The following MALRD1 variants were observed in gnomAD, a reference collection of about 807,000 sequenced individuals.
MALRD1 encodes the protein MAM and LDL-receptor class A domain-containing protein 1.
MALRD1 carries 247 observed loss-of-function variants against 242.1 expected under a neutral mutation model. That is an observed-to-expected ratio of 1.02 (90% CI 0.92 to 1.13). MALRD1 has a LOEUF of 1.13. MALRD1 is among the 50% of genes most tolerant of loss of function. MALRD1 has a pLI of 0.00. For synonymous variants in MALRD1, 995 were observed against 866.6 expected (o/e 1.15, Z -2.60); for missense variants, 2,989 against 2,533.1 (o/e 1.18, Z -3.86).
At chr10:19,260,372 A>G (rs1039624242) in intron 19 of MALRD1, among the ~76,000 whole-genome samples, 3 of 152,174 alleles carry the variant, frequency 2.0e-5, no homozygotes, top group East Asian at 1.9e-4. Flanking sequence ...ACGTGGTCCT[A>G]TCTCTCTGAG....
chr10:19,539,826 ACCAGCATGCG>A (rs1420720378), intron 32 of MALRD1, among the ~76,000 whole-genome samples: 1 of 145,726 alleles, frequency 6.9e-6, no homozygotes, highest in Admixed American at 6.8e-5. Flanking sequence ...AGCTGGGACT[ACCAGCATGCG>A]CCACCACACC....
intron 29 of MALRD1, among the ~76,000 whole-genome samples, chr10:19,458,721 T>G (rs1038695700): frequency 6.6e-6 from 1 of 152,106 alleles, no homozygotes; most frequent in African/African-American, 2.4e-5. Flanking sequence ...TAGTGTACAA[T>G]TTTCATCGTT....
At chr10:19,215,644 C>A (rs1461550524) in intron 18 of MALRD1, among the ~76,000 whole-genome samples, 1 of 152,036 alleles carries the variant, frequency 6.6e-6, no homozygotes, top group Non-Finnish European at 1.5e-5. Context: ...CATTGCTCTG[C>A]TAGGGGCTCT....
At chr10:19,155,031 G>C in intron 11 of MALRD1, 44 bp from the exon 12 acceptor site, 2 of 1,084,818 alleles carry the variant, frequency 1.8e-6, no homozygotes, top group Non-Finnish European at 2.3e-6. Flanking sequence ...AGCTAAGTGT[G>C]TAAGAGAACT....
chr10:19,098,468 T>A (rs1333797727), intron 4 of MALRD1, among the ~76,000 whole-genome samples: 1 of 152,190 alleles, frequency 6.6e-6, no homozygotes, highest in African/African-American at 2.4e-5. Context: ...CTCTTAAAAT[T>A]CTACCCTCAC....
At chr10:19,228,853 T>G (rs1165330006) in intron 18 of MALRD1, among the ~76,000 whole-genome samples, 1 of 152,114 alleles carries the variant, frequency 6.6e-6, no homozygotes, top group African/African-American at 2.4e-5. Context: ...AAGACTTTAC[T>G]TCAAAAAGGC....
chr10:19,387,944 A>G (rs1846156226), intron 27 of MALRD1, among the ~76,000 whole-genome samples, 171 bp downstream of exon 27: 1 of 152,218 alleles, frequency 6.6e-6, no homozygotes, highest in African/African-American at 2.4e-5. Context: ...AGAAAGGGCC[A>G]CAGAGTGGAT....
At chr10:19,642,287 A>T (rs1840423521) in intron 36 of MALRD1, among the ~76,000 whole-genome samples, 1 of 152,154 alleles carries the variant, frequency 6.6e-6, no homozygotes. Flanking sequence ...TGATCTCAAG[A>T]ATTAGCAAAT....
At position 19,203,843 on chromosome 10, in the gene MALRD1, G is replaced by A. The variant is rs1189775673; in HGVS notation, c.2067G>A (p.Gln689=). The change falls in exon 15 of 40, where the codon CAG becomes CAA. Residue 689 remains glutamine (Q), a synonymous_variant. Transcript: ENST00000454679. Reference sequence around the variant, plus strand: ...AACTTTCTGCTGATTTTGAGCACCAGGCTCCACCTCGGGATCATAGTCTCA... The same window carrying A: ...AACTTTCTGCTGATTTTGAGCACCAAGCTCCACCTCGGGATCATAGTCTCA... ...QSELSADFEH[Q]APPRDHSLNA... 6.4e-7 allele frequency: 1 copy of A among 1,550,474 alleles called. No homozygotes were observed. The highest frequency in any genetic ancestry group is 2.0e-5 in the Admixed American group (1 of 50,984).
At chr10:19,679,650 C>A (rs1213472132) in intron 36 of MALRD1, among the ~76,000 whole-genome samples, 3 of 151,962 alleles carry the variant, frequency 2.0e-5, no homozygotes, top group Non-Finnish European at 4.4e-5. Context: ...GCCTCTGTCT[C>A]CTTCAATTCC....
intron 18 of MALRD1, among the ~76,000 whole-genome samples, chr10:19,234,200 T>C (rs994469453): frequency 6.6e-6 from 1 of 152,030 alleles, no homozygotes; most frequent in African/African-American, 2.4e-5. Context: ...AATCTATAAA[T>C]TGTTTCTAAT....
At chr10:19,672,429 T>TTTTTTTTTTTTTTTTTTTG (rs1841964881) in intron 36 of MALRD1, among the ~76,000 whole-genome samples, 1 of 145,174 alleles carries the variant, frequency 6.9e-6, no homozygotes, top group African/African-American at 2.6e-5. Context: ...TTTTTTTTTT[T>TTTTTTTTTTTTTTTTTTTG]GTATTTTGTT....
At chr10:19,370,521 T>C (rs529817070) in intron 26 of MALRD1, among the ~76,000 whole-genome samples, 2 of 152,330 alleles carry the variant, frequency 1.3e-5, no homozygotes, top group Admixed American at 1.3e-4. Flanking sequence ...AAAGTACAAT[T>C]AATTTTTATA....
intron 29 of MALRD1, among the ~76,000 whole-genome samples, chr10:19,453,893 A>C (rs919269406): frequency 2.6e-5 from 4 of 151,424 alleles, no homozygotes; most frequent in Non-Finnish European, 5.9e-5. Flanking sequence ...AAAAAAATTG[A>C]AAATTAAAAC....
At chr10:19,497,865 C>G (rs1399853554) in intron 30 of MALRD1, among the ~76,000 whole-genome samples, 2 of 151,794 alleles carry the variant, frequency 1.3e-5, no homozygotes, top group African/African-American at 2.4e-5. Flanking sequence ...TCACAGGTGA[C>G]TAGAAATAGA....
chr10:19,333,174 A>C (rs887825099), intron 24 of MALRD1, among the ~76,000 whole-genome samples: 4 of 152,268 alleles, frequency 2.6e-5, no homozygotes, highest in Admixed American at 2.6e-4. Flanking sequence ...TTTATTTTAG[A>C]ATCAGTGGTA....
At chr10:19,251,858 A>G (rs1406326117) in intron 18 of MALRD1, among the ~76,000 whole-genome samples, 1 of 151,900 alleles carries the variant, frequency 6.6e-6, no homozygotes, top group Non-Finnish European at 1.5e-5. Flanking sequence ...TTTCATGATG[A>G]TGAGGGAGTT....
At chr10:19,269,832 GT>G (rs780665889) in intron 19 of MALRD1, among the ~76,000 whole-genome samples, 17 of 152,172 alleles carry the variant, frequency 1.1e-4, no homozygotes, top group Admixed American at 5.9e-4. Context: ...CTCTTAAAAT[GT>G]TTTTGCTTAG....
At chr10:19,498,748 G>T in intron 31 of MALRD1, 102 bp downstream of exon 31, 1 of 1,330,106 alleles carries the variant, frequency 7.5e-7, no homozygotes, top group Admixed American at 2.6e-5. Context: ...GTGTATGTGG[G>T]GACAGAGCTC....
Sources: gnomAD v4.1 joint callset for allele counts (sites outside exome capture counted in the v4.1 genomes callset) on GRCh38, gnomAD v4.1.1 for gene constraint, MANE v1.5 for transcripts, NCBI Gene and HGNC (gene_info 2026-07-23, HGNC 2026-07-21) for gene names.